ABLIM1: variants seen among roughly 807,000 people sequenced by gnomAD.
ABLIM1 encodes the protein actin binding LIM protein 1.
ABLIM1 carries 40 observed loss-of-function variants against 107.0 expected under a neutral mutation model. The observed-to-expected ratio is 0.37, with a 90% CI of 0.29 to 0.49. The LOEUF (loss-of-function observed/expected upper bound fraction) is 0.49. ABLIM1 is among the 20% of genes least tolerant of loss of function. The pLI is 0.97. For missense variants in ABLIM1, 857 were observed against 1,008.5 expected, an observed-to-expected ratio of 0.85 and a Z score of 2.04; for synonymous variants, 357 against 357.3, an observed-to-expected ratio of 1.00 and a Z score of 0.01.
intron 22 of ABLIM1, among the ~76,000 whole-genome samples, chr10:114,437,094 G>T (rs1015801783): frequency 1.3e-5 from 2 of 151,948 alleles, no homozygotes; most frequent in African/African-American, 2.4e-5. Context: ...AACTTGTCCA[G>T]TATAAATCAG....
exon 1 of ABLIM1, chr10:114,684,728 C>T (rs1466530257): frequency 9.7e-7 from 1 of 1,030,640 alleles, no homozygotes; most frequent in Non-Finnish European, 1.2e-6. Flanking sequence ...CTAGGATTTT[C>T]CTGCATTCTG....
intron 1 of ABLIM1, among the ~76,000 whole-genome samples, chr10:114,654,740 A>G (rs552930056): frequency 1.3e-5 from 2 of 152,300 alleles, no homozygotes; most frequent in Admixed American, 1.3e-4. Context: ...TGGGGCCAGC[A>G]GTGCTGTCTG....
chr10:114,445,500 G>T, intron 15 of ABLIM1, 97 bp from the exon 16 acceptor site: 1 of 1,016,170 alleles, frequency 9.8e-7, no homozygotes. Flanking sequence ...GGCTGGCAAG[G>T]TCAGCAACGG....
At chr10:114,568,025 C>T (rs1231584802) in intron 4 of ABLIM1, among the ~76,000 whole-genome samples, 3 of 151,014 alleles carry the variant, frequency 2.0e-5, no homozygotes, top group Non-Finnish European at 4.4e-5. Context: ...CCCGTCTCTA[C>T]TAAAAATACA....
At chr10:114,585,882 C>T (rs1016416098) in intron 2 of ABLIM1, among the ~76,000 whole-genome samples, 2 of 152,254 alleles carry the variant, frequency 1.3e-5, no homozygotes, top group Non-Finnish European at 2.9e-5. Flanking sequence ...TCCACTGTCA[C>T]TATGATTGTC....
intron 1 of ABLIM1, among the ~76,000 whole-genome samples, chr10:114,610,250 G>T (rs1286185395): frequency 6.6e-6 from 1 of 152,194 alleles, no homozygotes; most frequent in African/African-American, 2.4e-5. Flanking sequence ...AAGGAAACAC[G>T]ACACACCATT....
At chr10:114,481,902 C>T (rs2057432399) in intron 8 of ABLIM1, among the ~76,000 whole-genome samples, 1 of 152,138 alleles carries the variant, frequency 6.6e-6, no homozygotes, top group Admixed American at 6.5e-5. Context: ...GACATAAAGC[C>T]TCAAATTAGC....
At position 114,601,867 on chromosome 10, in the gene ABLIM1, G is replaced by A. The variant is rs777350038; in HGVS notation, c.339C>T (p.Val113=). The A allele has an allele frequency of 1.2e-6, 2 of 1,614,154 alleles. No individual in the cohort carries two copies. The highest frequency in any genetic ancestry group is 2.7e-5 in the African/African-American group (2 of 75,032). The stretch of plus-strand genomic sequence containing the variant: ...ACTTGATGTGGAAATGTTTGGTCTG[G>A]ACCCGAAGCACTTCACCCTTGCAAG... ...GEPCKGEVLR[V]QTKHFHIKCF... The change falls in exon 2 of 23, where the codon GTC becomes GTT. Residue 113 remains valine (V), a synonymous_variant. Transcript: ENST00000533213.
intron 11 of ABLIM1, 62 bp downstream of exon 11, chr10:114,468,119 G>C: frequency 1.4e-6 from 2 of 1,451,028 alleles, no homozygotes; most frequent in Non-Finnish European, 1.9e-6. Context: ...TCCCAGTCTA[G>C]GGAAGGGCCA....
chr10:114,746,335 T>A (rs373141561), intron 1 of ABLIM1, among the ~76,000 whole-genome samples: 1 of 152,228 alleles, frequency 6.6e-6, no homozygotes, highest in African/African-American at 2.4e-5. Flanking sequence ...CAGGAACGTG[T>A]GGTACTTGCC....
chr10:114,693,108 C>A (rs2081118181), intron 1 of ABLIM1, among the ~76,000 whole-genome samples: 2 of 152,144 alleles, frequency 1.3e-5, no homozygotes, highest in South Asian at 4.2e-4. Context: ...GGGAGGCTTC[C>A]TATTATCTAG....
At chr10:114,636,894 G>T (rs1048813526) in intron 1 of ABLIM1, among the ~76,000 whole-genome samples, 4 of 152,110 alleles carry the variant, frequency 2.6e-5, no homozygotes, top group African/African-American at 9.7e-5. Flanking sequence ...CTAGCCAGAG[G>T]TGGTGGCGTG....
At chr10:114,458,238 T>C (rs1298987657) in intron 12 of ABLIM1, among the ~76,000 whole-genome samples, 1 of 152,164 alleles carries the variant, frequency 6.6e-6, no homozygotes, top group Non-Finnish European at 1.5e-5. Context: ...AGTGACAAGC[T>C]ACTATATTTC....
intron 6 of ABLIM1, among the ~76,000 whole-genome samples, chr10:114,534,273 C>T (rs543659629): frequency 7.0e-4 from 106 of 152,226 alleles, no homozygotes; most frequent in East Asian, 1.5e-3. Context: ...TTCTGATGCC[C>T]TGATGTGCTG....
At chr10:114,632,634 A>T in intron 1 of ABLIM1, 1 of 985,464 alleles carries the variant, frequency 1.0e-6, no homozygotes, top group East Asian at 1.1e-4. Flanking sequence ...ACTGAGAGAC[A>T]GCCGGGGAAG....
chr10:114,499,273 C>T (rs1020539110), intron 6 of ABLIM1, among the ~76,000 whole-genome samples: 2 of 152,304 alleles, frequency 1.3e-5, no homozygotes, highest in Middle Eastern at 3.4e-3. Context: ...ATACCAAAGA[C>T]GTAGCACTGA....
the ABLIM1 span, among the ~76,000 whole-genome samples, chr10:114,788,601 G>A: frequency 5.3e-5 from 8 of 152,196 alleles, no homozygotes; most frequent in African/African-American, 1.9e-4. Context: ...GGTGGCGTGT[G>A]CCTGTAATCC....
intron 1 of ABLIM1, among the ~76,000 whole-genome samples, chr10:114,618,568 G>C (rs2077272979): frequency 6.6e-6 from 1 of 152,216 alleles, no homozygotes. Context: ...CCAGCTCCCT[G>C]GAAGCACACT....
At chr10:114,712,812 TA>T (rs1433720348) in intron 1 of ABLIM1, among the ~76,000 whole-genome samples, 2 of 152,242 alleles carry the variant, frequency 1.3e-5, no homozygotes, top group Non-Finnish European at 2.9e-5. Context: ...TGATTTTCTA[TA>T]ATTACTTCTT....
Sources: gnomAD v4.1 joint callset for allele counts (sites outside exome capture counted in the v4.1 genomes callset) on GRCh38, gnomAD v4.1.1 for gene constraint, MANE v1.5 for transcripts, NCBI Gene and HGNC (gene_info 2026-07-23, HGNC 2026-07-21) for gene names.